Variants in SNW1 observed in about 807,000 individuals in gnomAD.
SNW1 encodes SNW domain containing 1.
Under a neutral mutation model 75.6 loss-of-function variants are expected in SNW1, and 9 were observed. That is an observed-to-expected ratio of 0.12 (90% CI 0.07 to 0.21). SNW1 has a LOEUF of 0.21. Among genes scored for constraint, SNW1 ranks in the 10% least tolerant of loss-of-function variants. The probability of loss-of-function intolerance (pLI) is 1.00; values close to 1 mark genes in which losing one functional copy is unlikely to be tolerated. For synonymous variants in SNW1, 200 were observed against 219.1 expected (o/e 0.91, Z 0.77); for missense variants, 409 against 670.9 (o/e 0.61, Z 4.31).
intron 3 of SNW1, among the ~76,000 whole-genome samples, chr14:77,745,972 C>T (rs1406382694): frequency 1.4e-5 from 2 of 147,632 alleles, no homozygotes; most frequent in Non-Finnish European, 3.0e-5. Context: ...TGCAGCGAGT[C>T]GTTATTGTGC....
chr14:77,759,507 A>G (rs1407480087), intron 1 of SNW1, among the ~76,000 whole-genome samples: 4 of 152,078 alleles, frequency 2.6e-5, no homozygotes, highest in East Asian at 1.9e-4. Context: ...GTGAGACCCT[A>G]TATCAAAAAA....
chr14:77,739,300 C>G (rs1270307524), intron 3 of SNW1, among the ~76,000 whole-genome samples: 1 of 152,162 alleles, frequency 6.6e-6, no homozygotes, highest in Admixed American at 6.5e-5. Flanking sequence ...ATCTTCTAAT[C>G]AAGTTAGTAT....
At position 77,730,025 on chromosome 14, in the gene SNW1, G is replaced by A. The variant is rs114861302; in HGVS notation, c.1033+963C>T. Among the ~76,000 whole-genome samples, 936 of 152,132 alleles carry A rather than the reference G, an allele frequency of 6.2e-3. 11 individuals carry two copies. The highest frequency in any genetic ancestry group is 0.022 in the African/African-American group (906 of 41,506). On this transcript the variant is annotated intron_variant, in intron 10 of 13. Transcript: ENST00000261531. ...CATACAAATCCAGTCATATTGGCCTGTCTGCTCTTCCTTGGGCCACACTAG... is the reference window on the plus strand; with the variant it reads ...CATACAAATCCAGTCATATTGGCCTATCTGCTCTTCCTTGGGCCACACTAG...
rs185044034 is a variant in SNW1 at position 77,739,351 on chromosome 14, C to T, written c.331-290G>A. On this transcript the variant is annotated intron_variant, in intron 3 of 13. Coordinates refer to ENST00000261531, the MANE Select transcript of SNW1 (RefSeq NM_012245.3). ...CAACAAAATCATGCATTGATGATCA[C>T]TATTTTTGAGGCCCACTAAAACTTG... 2.1e-3 allele frequency among the ~76,000 whole-genome samples: 318 copies of T among 152,306 alleles called. 2 individuals are homozygous for T. The highest frequency in any genetic ancestry group is 0.019 in the Admixed American group (290 of 15,292).
At chr14:77,760,801 C>T (rs563521978) in intron 1 of SNW1, 1 of 711,428 alleles carries the variant, frequency 1.4e-6, no homozygotes, top group African/African-American at 1.7e-5. Flanking sequence ...TTCGCCCGAG[C>T]CGCGGACCTG....
At chr14:77,720,263 T>G (rs2080528636) in intron 12 of SNW1, among the ~76,000 whole-genome samples, 1 of 151,952 alleles carries the variant, frequency 6.6e-6, no homozygotes, top group African/African-American at 2.4e-5. Flanking sequence ...GCCTCCCAAG[T>G]AGTGGGGATT....
chr14:77,722,295 A>T (rs186170222), intron 11 of SNW1, among the ~76,000 whole-genome samples: 1 of 150,926 alleles, frequency 6.6e-6, no homozygotes, highest in Non-Finnish European at 1.5e-5. Context: ...AGTTTGTTCT[A>T]TACGTTTATA....
At chr14:77,734,013 C>T (rs1595080457) in intron 8 of SNW1, 1 of 374,544 alleles carries the variant, frequency 2.7e-6, no homozygotes, top group Non-Finnish European at 5.4e-6. Flanking sequence ...CCAATCAACT[C>T]AAATCAGACC....
chr14:77,751,514 A>C (rs1478606227), intron 2 of SNW1, 34 bp from the exon 3 acceptor site: 3 of 1,517,066 alleles, frequency 2.0e-6, no homozygotes, highest in Non-Finnish European at 2.7e-6. Flanking sequence ...AAAATAGTTA[A>C]TCATCATTTG....
intron 9 of SNW1, among the ~76,000 whole-genome samples, 198 bp downstream of exon 9, chr14:77,732,287 G>A (rs1345787068): frequency 6.6e-6 from 1 of 152,236 alleles, no homozygotes; most frequent in Non-Finnish European, 1.5e-5. Context: ...GATCACCACT[G>A]TGGGGTGTAT....
At position 77,747,854 on chromosome 14, in the gene SNW1, C is replaced by A. The variant is rs373604955; in HGVS notation, c.330+3465G>T. ...GAGGTGGGGGGCGCCTCTGCCCGGC[C>A]GCCCCGTCTGGGAGGTGAGGAGCCC... is the stretch of plus-strand genomic sequence containing the variant. On this transcript the variant is annotated intron_variant, in intron 3 of 13. Transcript: ENST00000261531. Among the ~76,000 whole-genome samples the A allele has an allele frequency of 1.7e-3, 259 of 151,574 alleles. 3 individuals are homozygous for A. Among genetic ancestry groups the A allele is most frequent in the Admixed American group, 8.2e-3 (125 of 15,256 alleles).
chr14:77,737,567 A>T (rs2080682997), intron 5 of SNW1, among the ~76,000 whole-genome samples: 1 of 152,198 alleles, frequency 6.6e-6, no homozygotes, highest in South Asian at 2.1e-4. Flanking sequence ...AGTCAAGTAA[A>T]ACGCCTCAAA....
intron 11 of SNW1, chr14:77,722,720 G>A: frequency 5.5e-6 from 2 of 361,092 alleles, no homozygotes; most frequent in Admixed American, 7.6e-5. Context: ...AAAATTAAGT[G>A]CTAATTTATT....
chr14:77,732,685 G>T, intron 8 of SNW1, 84 bp from the exon 9 acceptor site: 1 of 817,662 alleles, frequency 1.2e-6, no homozygotes, highest in Non-Finnish European at 2.0e-6. Context: ...TTTTTTTCGA[G>T]CTGGAGTCTT....
chr14:77,760,919 G>A (rs1356373218), intron 1 of SNW1, 195 bp downstream of exon 1: 7 of 1,301,022 alleles, frequency 5.4e-6, no homozygotes, highest in Non-Finnish European at 7.7e-6. Context: ...AACTAAACCC[G>A]GGAAACCGCT....
intron 6 of SNW1, among the ~76,000 whole-genome samples, chr14:77,736,308 G>A (rs773055553): frequency 6.6e-6 from 1 of 152,140 alleles, no homozygotes; most frequent in Non-Finnish European, 1.5e-5. Flanking sequence ...AGCACTTTGG[G>A]AGGCCAAGGT....
At chr14:77,756,920 GAATC>G (rs1391557698) in intron 1 of SNW1, among the ~76,000 whole-genome samples, 1 of 152,140 alleles carries the variant, frequency 6.6e-6, no homozygotes, top group Non-Finnish European at 1.5e-5. Context: ...AGAGGCCAAA[GAATC>G]AAAGCAGAAG....
chr14:77,747,814 C>T (rs550180311), intron 3 of SNW1, among the ~76,000 whole-genome samples: 4 of 148,704 alleles, frequency 2.7e-5, no homozygotes, highest in South Asian at 2.1e-4. Context: ...TCTGCCTGGC[C>T]GCCGCCCCAT....
At chr14:77,747,721 C>A (rs1184964674) in intron 3 of SNW1, among the ~76,000 whole-genome samples, 2 of 146,810 alleles carry the variant, frequency 1.4e-5, no homozygotes, top group African/African-American at 5.4e-5. Context: ...GCAGCCCCCG[C>A]CCCGGCAGCC....
Sources: gnomAD v4.1 joint callset for allele counts (sites outside exome capture counted in the v4.1 genomes callset) on GRCh38, gnomAD v4.1.1 for gene constraint, MANE v1.5 for transcripts, NCBI Gene and HGNC (gene_info 2026-07-23, HGNC 2026-07-21) for gene names.